The following DOP1A variants were observed in gnomAD, a reference collection of about 807,000 sequenced individuals.
DOP1A encodes the protein DOP1 leucine zipper like protein A.
In DOP1A, 90 loss-of-function variants were observed where a neutral mutation model predicts 267.6. The observed-to-expected ratio is 0.34, with a 90% CI of 0.28 to 0.40. The LOEUF (loss-of-function observed/expected upper bound fraction) is 0.40, where lower values mean the gene tolerates loss of function less well. DOP1A is among the 10% of genes least tolerant of loss of function. The pLI, the probability that DOP1A is intolerant of heterozygous loss-of-function variation, is 1.00. For missense variants in DOP1A, 2,437 were observed against 2,900.4 expected (o/e 0.84, Z 3.67); for synonymous variants, 932 against 999.1 (o/e 0.93, Z 1.27).
intron 1 of DOP1A, among the ~76,000 whole-genome samples, chr6:83,090,341 G>T (rs1261950528): frequency 6.6e-6 from 1 of 152,264 alleles, no homozygotes. Context: ...TTTAGATTTA[G>T]GTCATCTTGA....
At chr6:83,127,563 T>TTA (rs1201101936) in intron 15 of DOP1A, among the ~76,000 whole-genome samples, 6 of 152,142 alleles carry the variant, frequency 3.9e-5, no homozygotes, top group African/African-American at 1.2e-4. Flanking sequence ...AATGGCATAA[T>TTA]TACGTTTGTA....
intron 4 of DOP1A, among the ~76,000 whole-genome samples, chr6:83,104,793 G>C (rs933694621): frequency 4.5e-4 from 68 of 151,902 alleles, no homozygotes; most frequent in African/African-American, 1.6e-3. Context: ...GATCTATAGT[G>C]ATGTCTCCTC....
Position 83,137,205 on chromosome 6 carries a change from A to C in DOP1A, c.3163A>C (p.Asn1055His), listed in dbSNP as rs1262472173. The part of the protein sequence containing the change: ...SQVQLITSKG[N>H]GEKPLTMDEI... ...AGTACAACTCATCACATCAAAAGGA[A>C]ATGGTGAAAAGCCACTTACCATGGA... is the stretch of plus-strand genomic sequence containing the variant. The change falls in exon 21 of 39, where the codon AAT (asparagine) becomes CAT (histidine). Residue 1055 changes from asparagine to histidine, a missense_variant. Physicochemically the swap from Asn to His is moderately conservative, Grantham distance 68 (BLOSUM62 1). Coordinates refer to ENST00000349129, the MANE Select transcript of DOP1A (RefSeq NM_015018.4). The C allele has an allele frequency of 6.3e-7, 1 of 1,577,614 alleles. No homozygotes were observed. The highest frequency in any genetic ancestry group is 8.6e-7 in the Non-Finnish European group (1 of 1,161,386).
At position 83,109,330 on chromosome 6, in the gene DOP1A, C is replaced by T. The variant is rs544269987; in HGVS notation, c.491+250C>T. Among the ~76,000 whole-genome samples the T allele has an allele frequency of 1.2e-4, 18 of 152,252 alleles. No individual in the cohort carries two copies. In the South Asian group the frequency reaches 3.7e-3, roughly 32 times the overall value. ...TGAGTTGAAATCTTGCCTATACAGA[C>T]ACTGAGCTTAGGGAAGTTTTCTTAG... On this transcript the variant is annotated intron_variant, in intron 5 of 38. Transcript: ENST00000349129.
chr6:83,124,447 C>T (rs1383585274), intron 12 of DOP1A, among the ~76,000 whole-genome samples: 1 of 151,992 alleles, frequency 6.6e-6, no homozygotes, highest in Non-Finnish European at 1.5e-5. Flanking sequence ...GGAAATAAGT[C>T]CCAGAAAGTG....
chr6:83,154,099 CAG>C, intron 32 of DOP1A, 56 bp downstream of exon 32: 2 of 1,612,030 alleles, frequency 1.2e-6, no homozygotes, highest in Non-Finnish European at 1.7e-6. Flanking sequence ...CTGATGAAAT[CAG>C]CTACTCCCCT....
intron 1 of DOP1A, among the ~76,000 whole-genome samples, chr6:83,079,371 G>C (rs112152967): frequency 6.6e-6 from 1 of 151,908 alleles, no homozygotes; most frequent in Non-Finnish European, 1.5e-5. Context: ...AAAGAAAAAC[G>C]TTAAAATTCC....
At chr6:83,087,661 C>G (rs1484710140) in intron 1 of DOP1A, among the ~76,000 whole-genome samples, 1 of 152,132 alleles carries the variant, frequency 6.6e-6, no homozygotes, top group Non-Finnish European at 1.5e-5. Flanking sequence ...AGTTTCCTTA[C>G]TTGTAAATGT....
At position 83,147,307 on chromosome 6, in the gene DOP1A, T is replaced by C. The variant is rs778801302; in HGVS notation, c.5732+16T>C. On this transcript the variant is annotated intron_variant, in intron 26 of 38. Coordinates refer to ENST00000349129, the MANE Select transcript of DOP1A (RefSeq NM_015018.4). ...ATATTCAAAGGTAAGATTACTGATA[T>C]TGATCTGTCCTTACTATGTTGCTAG... is the stretch of plus-strand genomic sequence containing the variant. The C allele has an allele frequency of 1.7e-5, 24 of 1,404,350 alleles. No homozygotes were observed. The highest frequency in any genetic ancestry group is 2.0e-5 in the Non-Finnish European group (20 of 1,011,238). The allele number at this position is 1,404,350 out of a possible 1,614,324, so 87.0% of individuals were successfully genotyped here. A position where few individuals can be genotyped will look rare whatever the true frequency, so the allele number is the denominator to read the frequency against.
chr6:83,144,233 A>G (rs1196512088), intron 24 of DOP1A, among the ~76,000 whole-genome samples: 6 of 152,190 alleles, frequency 3.9e-5, no homozygotes, highest in Non-Finnish European at 8.8e-5. Context: ...CTGCAACACA[A>G]AAGAGAAAGC....
At chr6:83,132,134 A>T (rs1333433016) in intron 17 of DOP1A, 42 bp from the exon 18 acceptor site, 3 of 1,575,434 alleles carry the variant, frequency 1.9e-6, no homozygotes, top group African/African-American at 2.7e-5. Context: ...TTAAATTTTC[A>T]TGTATGGTAT....
rs920878656 is a variant in DOP1A, at chr6:83,147,952, G to C, written c.5732+661G>C. On this transcript the variant is annotated intron_variant, in intron 26 of 38. Coordinates refer to ENST00000349129, the MANE Select transcript of DOP1A (RefSeq NM_015018.4). ...CAGTTGACAGCCCTCCATAATATGA[G>C]GTAGAGACGTACAAGGTGAAGGAAA... Among the ~76,000 whole-genome samples the C allele has an allele frequency of 5.9e-5, 9 of 152,234 alleles. No individual in the cohort carries two copies. In the East Asian group the frequency reaches 1.7e-3, roughly 29 times the overall value.
At chr6:83,093,621 A>AT (rs1320956707) in intron 1 of DOP1A, among the ~76,000 whole-genome samples, 1 of 152,180 alleles carries the variant, frequency 6.6e-6, no homozygotes, top group Non-Finnish European at 1.5e-5. Context: ...AAAGTATGTA[A>AT]TATGGGCTGG....
chr6:83,165,102 G>A (rs1283028988), intron 38 of DOP1A: 1 of 166,354 alleles, frequency 6.0e-6, no homozygotes, highest in Non-Finnish European at 1.3e-5. Context: ...TTTCCTTCAG[G>A]ACAAAGTCAT....
chr6:83,086,193 A>G (rs779455716), intron 1 of DOP1A, among the ~76,000 whole-genome samples: 2 of 152,228 alleles, frequency 1.3e-5, no homozygotes, highest in Admixed American at 6.5e-5. Flanking sequence ...CTAATAGCCT[A>G]CTATAGACTG....
intron 33 of DOP1A, among the ~76,000 whole-genome samples, chr6:83,155,292 G>C (rs1258590887): frequency 7.0e-6 from 1 of 143,322 alleles, no homozygotes; most frequent in Non-Finnish European, 1.5e-5. Flanking sequence ...CGAGACCCCA[G>C]CTCTACAAAA....
At chr6:83,093,643 C>CA (rs1770889534) in intron 1 of DOP1A, among the ~76,000 whole-genome samples, 1 of 152,212 alleles carries the variant, frequency 6.6e-6, no homozygotes, top group Admixed American at 6.5e-5. Context: ...CACAGTGGCT[C>CA]ACGCCTGTAA....
At position 83,073,198 on chromosome 6, in the gene DOP1A, T is replaced by G. The variant is rs114210153; in HGVS notation, c.-147+5419T>G. On this transcript the variant is annotated intron_variant, in intron 1 of 38. Coordinates refer to ENST00000349129, the MANE Select transcript of DOP1A (RefSeq NM_015018.4). ...CCTGGGTTCGAGCGATTCTCCTGCATCAGCCTTCCAGGTAGCTGGGACTAC... is the reference window on the plus strand; with the variant it reads ...CCTGGGTTCGAGCGATTCTCCTGCAGCAGCCTTCCAGGTAGCTGGGACTAC... The G allele has an allele frequency of 4.3e-3, 715 of 165,392 alleles. 6 individuals are homozygous for G. The highest frequency in any genetic ancestry group is 0.016 in the African/African-American group (659 of 41,750). 10.2% of individuals were successfully genotyped at this position (165,392 alleles called of 1,614,324 possible).
At chr6:83,120,847 GAAAAT>G in intron 10 of DOP1A, 56 bp downstream of exon 10, 3 of 1,289,326 alleles carry the variant, frequency 2.3e-6, no homozygotes, top group Admixed American at 4.6e-5. Flanking sequence ...GTGTTAATAA[GAAAAT>G]AAAAAGAGTC....
Sources: gnomAD v4.1 joint callset for allele counts (sites outside exome capture counted in the v4.1 genomes callset) on GRCh38, gnomAD v4.1.1 for gene constraint, MANE v1.5 for transcripts, NCBI Gene and HGNC (gene_info 2026-07-23, HGNC 2026-07-21) for gene names.